Variants in ZFPM2 observed in about 807,000 individuals in gnomAD.
ZFPM2 encodes zinc finger protein, FOG family member 2.
Under a neutral mutation model 98.6 loss-of-function variants are expected in ZFPM2, and 20 were observed. The observed-to-expected ratio is 0.20, with a 90% confidence interval of 0.14 to 0.29. The LOEUF is 0.29. Ranked by LOEUF, ZFPM2 falls within the 10% of genes least tolerant of loss-of-function variation. The probability of loss-of-function intolerance (pLI) is 1.00; values close to 1 mark genes in which losing one functional copy is unlikely to be tolerated. For missense variants in ZFPM2, 1,310 were observed against 1,388.6 expected, an observed-to-expected ratio of 0.94 and a Z score of 0.90; for synonymous variants, 518 against 502.7, an observed-to-expected ratio of 1.03 and a Z score of -0.41.
intron 3 of ZFPM2, among the ~76,000 whole-genome samples, chr8:105,473,501 G>A (rs2130357137): frequency 6.6e-6 from 1 of 152,176 alleles, no homozygotes; most frequent in African/African-American, 2.4e-5. Context: ...AACAGTAGTT[G>A]CTCAGTAAAT....
chr8:105,769,025 G>T (rs1285719377), intron 5 of ZFPM2, among the ~76,000 whole-genome samples: 2 of 151,938 alleles, frequency 1.3e-5, no homozygotes, highest in African/African-American at 4.8e-5. Context: ...AGATTTGCAA[G>T]TCCTGTCTTA....
In ZFPM2 at chr8:105,784,991, A is replaced by G. The variant is rs1401434433; in HGVS notation, c.533-3727A>G. The G allele has an allele frequency of 4.1e-5, 6 of 146,852 alleles. 1 individual carries two copies. Among genetic ancestry groups the G allele is most frequent in the African/African-American group, 8.3e-5 (3 of 36,338 alleles). 9.1% of individuals were successfully genotyped at this position (146,852 alleles called of 1,614,324 possible). A position where few individuals can be genotyped will look rare whatever the true frequency, so the allele number is the denominator to read the frequency against. On this transcript the variant is annotated intron_variant, in intron 5 of 7. Coordinates refer to ENST00000407775, the MANE Select transcript of ZFPM2 (RefSeq NM_012082.4). ...GCCATTCTTTTGATTTCCCTCTAACATTTAAATATAACCTCTTGGTACATT... is the reference window on the plus strand; with the variant it reads ...GCCATTCTTTTGATTTCCCTCTAACGTTTAAATATAACCTCTTGGTACATT...
chr8:105,720,259 A>G (rs1363074977), intron 5 of ZFPM2, among the ~76,000 whole-genome samples: 2 of 151,712 alleles, frequency 1.3e-5, no homozygotes, highest in Non-Finnish European at 2.9e-5. Flanking sequence ...CACTCCTCCC[A>G]CCCACCTGAT....
chr8:105,321,339 A>G (rs982399759), intron 1 of ZFPM2, among the ~76,000 whole-genome samples: 6 of 152,220 alleles, frequency 3.9e-5, no homozygotes, highest in Non-Finnish European at 8.8e-5. Context: ...TCTATTACAA[A>G]CAACACTGTT....
chr8:105,766,590 T>G (rs1337889433), intron 5 of ZFPM2, among the ~76,000 whole-genome samples: 1 of 151,782 alleles, frequency 6.6e-6, no homozygotes, highest in Non-Finnish European at 1.5e-5. Flanking sequence ...TTAAGGTCAC[T>G]AGAGGTGAAG....
intron 1 of ZFPM2, among the ~76,000 whole-genome samples, chr8:105,361,474 T>C: frequency 6.6e-6 from 1 of 151,682 alleles, no homozygotes; most frequent in Admixed American, 6.6e-5. Flanking sequence ...CTCTTTAGTT[T>C]AATTAGATCC....
chr8:105,641,031 A>G (rs191760118), intron 5 of ZFPM2, among the ~76,000 whole-genome samples: 2 of 152,126 alleles, frequency 1.3e-5, no homozygotes, highest in African/African-American at 4.8e-5. Context: ...GCAGAATTCC[A>G]ATATTGCTTT....
At chr8:105,709,481 A>G (rs567994269) in intron 5 of ZFPM2, among the ~76,000 whole-genome samples, 3 of 152,278 alleles carry the variant, frequency 2.0e-5, no homozygotes, top group South Asian at 4.1e-4. Context: ...TTCGTTCACC[A>G]GAGATATCTT....
chr8:105,546,568 C>CA (rs376278402), intron 3 of ZFPM2, among the ~76,000 whole-genome samples: 6,752 of 84,172 alleles, frequency 0.08, 459 homozygotes, highest in African/African-American at 0.22. Context: ...AGCTCAGTCT[C>CA]AAAAAAAAAA....
At chr8:105,411,703 T>C (rs558955431) in intron 1 of ZFPM2, among the ~76,000 whole-genome samples, 1 of 151,978 alleles carries the variant, frequency 6.6e-6, no homozygotes, top group South Asian at 2.1e-4. Flanking sequence ...GAGATAACTT[T>C]ATAGGACTCT....
At chr8:105,370,300 T>A (rs978059315) in intron 1 of ZFPM2, among the ~76,000 whole-genome samples, 4 of 152,200 alleles carry the variant, frequency 2.6e-5, no homozygotes, top group Non-Finnish European at 5.9e-5. Context: ...TTCTTTCTAA[T>A]GGATAGACAT....
intron 3 of ZFPM2, among the ~76,000 whole-genome samples, chr8:105,464,571 CGG>C (rs1812762286): frequency 1.3e-5 from 2 of 151,846 alleles, no homozygotes. Flanking sequence ...ATGAGACCAG[CGG>C]AGAAGACAAA....
At chr8:105,656,990 C>CCCTTTTTT (rs1817298541) in intron 5 of ZFPM2, among the ~76,000 whole-genome samples, 1 of 152,032 alleles carries the variant, frequency 6.6e-6, no homozygotes, top group Non-Finnish European at 1.5e-5. Context: ...TTCTCTCTTT[C>CCCTTTTTT]CCTTTTTTGT....
intron 4 of ZFPM2, among the ~76,000 whole-genome samples, chr8:105,575,234 A>G (rs1192797439): frequency 6.6e-6 from 1 of 152,140 alleles, no homozygotes; most frequent in East Asian, 1.9e-4. Flanking sequence ...CATTCTGAAA[A>G]ATGTTTCTCT....
At chr8:105,776,340 C>A (rs1813104931) in intron 5 of ZFPM2, among the ~76,000 whole-genome samples, 1 of 152,034 alleles carries the variant, frequency 6.6e-6, no homozygotes, top group South Asian at 2.1e-4. Context: ...CCGATCAGAC[C>A]TATATATTAT....
intron 4 of ZFPM2, among the ~76,000 whole-genome samples, chr8:105,589,185 G>A (rs745670646): frequency 6.6e-6 from 1 of 152,082 alleles, no homozygotes; most frequent in Non-Finnish European, 1.5e-5. Flanking sequence ...AGGCAATATC[G>A]GTGTCAGAAT....
chr8:105,581,115 G>T (rs1271819820), intron 4 of ZFPM2, among the ~76,000 whole-genome samples: 1 of 151,794 alleles, frequency 6.6e-6, no homozygotes, highest in Non-Finnish European at 1.5e-5. Flanking sequence ...AGTAGCAATG[G>T]ATTTTATATA....
chr8:105,537,526 A>C (rs1196585026), intron 3 of ZFPM2, among the ~76,000 whole-genome samples: 1 of 152,050 alleles, frequency 6.6e-6, no homozygotes, highest in African/African-American at 2.4e-5. Context: ...AATAATAATC[A>C]TAATAAATAA....
chr8:105,585,146 A>G (rs1402862989), intron 4 of ZFPM2, among the ~76,000 whole-genome samples: 2 of 152,188 alleles, frequency 1.3e-5, no homozygotes, highest in Non-Finnish European at 2.9e-5. Flanking sequence ...CATCAGACCT[A>G]TATAGAAAAT....
Sources: allele counts gnomAD v4.1 joint callset (sites outside exome capture counted in the v4.1 genomes callset), GRCh38; gene constraint gnomAD v4.1.1; transcripts MANE v1.5; gene names NCBI Gene and HGNC (gene_info 2026-07-23, HGNC 2026-07-21).